Variants in DNAH8 observed in about 807,000 individuals in gnomAD.
The protein encoded by DNAH8 is axonemal beta dynein heavy chain 8.
Under a neutral mutation model 562.1 loss-of-function variants are expected in DNAH8, and 382 were observed. The ratio of observed to expected loss-of-function variants is 0.68; its 90% CI spans 0.63 to 0.74. DNAH8 has a LOEUF of 0.74. Among genes scored for constraint, DNAH8 ranks in the 30% least tolerant of loss-of-function variants. The pLI is 0.00. For synonymous variants in DNAH8, 1,881 were observed against 1,919.4 expected, an observed-to-expected ratio of 0.98 and a Z score of 0.52; for missense variants, 5,203 against 5,620.4, an observed-to-expected ratio of 0.93 and a Z score of 2.37.
chr6:38,749,321 A>G (rs986032734), intron 8 of DNAH8, among the ~76,000 whole-genome samples: 39 of 152,100 alleles, frequency 2.6e-4, no homozygotes, highest in Admixed American at 3.9e-4. Flanking sequence ...GAGTTGAACA[A>G]TGAGAACACA....
intron 53 of DNAH8, among the ~76,000 whole-genome samples, chr6:38,879,520 G>A (rs1445352418): frequency 6.6e-6 from 1 of 152,120 alleles, no homozygotes; most frequent in African/African-American, 2.4e-5. Context: ...AAAAGCATTT[G>A]GCAAAATTTG....
intron 36 of DNAH8, among the ~76,000 whole-genome samples, chr6:38,846,624 G>A (rs529334108): frequency 6.6e-5 from 10 of 152,268 alleles, no homozygotes; most frequent in African/African-American, 2.4e-4. Context: ...GTCCTCGGAT[G>A]CATCCTCTGT....
chr6:38,833,889 G>A (rs1437851494), intron 31 of DNAH8, among the ~76,000 whole-genome samples: 1 of 152,102 alleles, frequency 6.6e-6, no homozygotes, highest in South Asian at 2.1e-4. Context: ...TATCATGATT[G>A]ACCATGTTAA....
At chr6:38,937,522 A>G (rs1783069879) in intron 77 of DNAH8, among the ~76,000 whole-genome samples, 1 of 152,178 alleles carries the variant, frequency 6.6e-6, no homozygotes, top group Non-Finnish European at 1.5e-5. Context: ...CCATTCAACT[A>G]TCAGCATGAC....
At chr6:38,986,896 T>C (rs1275257170) in intron 87 of DNAH8, among the ~76,000 whole-genome samples, 2 of 152,224 alleles carry the variant, frequency 1.3e-5, no homozygotes, top group African/African-American at 4.8e-5. Flanking sequence ...AGATGTCTAT[T>C]AGACATCCAA....
At chr6:38,885,787 C>T (rs1778873048) in intron 56 of DNAH8, among the ~76,000 whole-genome samples, 1 of 152,168 alleles carries the variant, frequency 6.6e-6, no homozygotes, top group Admixed American at 6.5e-5. Context: ...GGTGAAGCCT[C>T]CCCTGCTCTC....
chr6:38,834,470 T>C (rs1268922884), intron 31 of DNAH8, 109 bp from the exon 32 acceptor site: 2 of 715,948 alleles, frequency 2.8e-6, no homozygotes, highest in Non-Finnish European at 4.6e-6. Context: ...TTAAATAATT[T>C]AAATTAAAAA....
intron 68 of DNAH8, 51 bp from the exon 69 acceptor site, chr6:38,917,188 C>T: frequency 7.5e-7 from 1 of 1,325,566 alleles, no homozygotes; most frequent in Non-Finnish European, 1.0e-6. Flanking sequence ...TTCCATATAA[C>T]TATTAATACC....
chr6:38,869,613 A>G (rs1282135004), intron 48 of DNAH8, among the ~76,000 whole-genome samples: 1 of 152,226 alleles, frequency 6.6e-6, no homozygotes, highest in Admixed American at 6.5e-5. Context: ...CTTATAAGAA[A>G]GGCTCAGAAC....
At chr6:38,813,202 T>G (rs1464989064) in intron 24 of DNAH8, among the ~76,000 whole-genome samples, 2 of 152,210 alleles carry the variant, frequency 1.3e-5, no homozygotes, top group Admixed American at 6.5e-5. Context: ...ATTACACACT[T>G]TGAATCAATG....
intron 74 of DNAH8, among the ~76,000 whole-genome samples, 191 bp downstream of exon 74, chr6:38,926,401 C>T (rs189473943): frequency 7.7e-6 from 1 of 130,358 alleles, no homozygotes; most frequent in East Asian, 2.1e-4. Flanking sequence ...CTCTTTGGAT[C>T]CTCCCTCCCC....
chr6:38,851,344 C>T (rs1485334835), intron 38 of DNAH8, among the ~76,000 whole-genome samples: 2 of 152,174 alleles, frequency 1.3e-5, no homozygotes, highest in Non-Finnish European at 2.9e-5. Context: ...AAGGAGAGGA[C>T]AGCAGATGAT....
chr6:38,787,162 T>A (rs901377050), intron 18 of DNAH8, among the ~76,000 whole-genome samples: 1 of 152,034 alleles, frequency 6.6e-6, no homozygotes, highest in Non-Finnish European at 1.5e-5. Flanking sequence ...TTATCAGAAA[T>A]CAGATTTAGG....
intron 1 of DNAH8, among the ~76,000 whole-genome samples, chr6:38,717,479 A>C (rs1369278984): frequency 6.6e-6 from 1 of 151,870 alleles, no homozygotes; most frequent in African/African-American, 2.4e-5. Context: ...GCACGCCACC[A>C]CGCCCGGCTA....
At chr6:38,817,614 AG>A (rs1772403229) in intron 26 of DNAH8, among the ~76,000 whole-genome samples, 1 of 152,196 alleles carries the variant, frequency 6.6e-6, no homozygotes, top group Non-Finnish European at 1.5e-5. Flanking sequence ...GAGAGTGAAA[AG>A]GGGAATTCCC....
At chr6:38,889,688 C>T (rs924780064) in intron 57 of DNAH8, among the ~76,000 whole-genome samples, 3 of 152,146 alleles carry the variant, frequency 2.0e-5, no homozygotes, top group African/African-American at 4.8e-5. Flanking sequence ...CTTCTTATAA[C>T]ATGGTTGTCC....
At chr6:38,989,836 C>A (rs1199770737) in intron 87 of DNAH8, among the ~76,000 whole-genome samples, 176 bp from the exon 88 acceptor site, 1 of 152,128 alleles carries the variant, frequency 6.6e-6, no homozygotes, top group Non-Finnish European at 1.5e-5. Context: ...GTTCTGGACT[C>A]TCTCTTTTCT....
intron 82 of DNAH8, among the ~76,000 whole-genome samples, chr6:38,965,845 T>A (rs935150373): frequency 3.3e-5 from 5 of 152,196 alleles, no homozygotes; most frequent in African/African-American, 1.2e-4. Context: ...TCAATGCCAA[T>A]CAATCTTTTT....
rs767297487 is a variant in DNAH8 at position 38,866,608 on chromosome 6, G to A, written c.6516G>A (p.Gly2172=). The change falls in exon 46 of 93, where the codon GGG becomes GGA. Residue 2172 remains glycine (G), a synonymous_variant. Transcript: ENST00000327475. ...IFLTMNPGYA[G]RQELPENLKI... ...ACTTTTAGAACCCTGGATATGCTGG[G>A]CGCCAGGAACTACCAGAAAACCTAA... 3.7e-6 allele frequency: 6 copies of A among 1,609,818 alleles called. No individual in the cohort carries two copies. In the Admixed American group the frequency reaches 8.4e-5, roughly 23 times the overall value.
Sources: allele counts gnomAD v4.1 joint callset (sites outside exome capture counted in the v4.1 genomes callset), GRCh38; gene constraint gnomAD v4.1.1; transcripts MANE v1.5; gene names NCBI Gene and HGNC (gene_info 2026-07-23, HGNC 2026-07-21).